The following VAV2 variants were observed in gnomAD, a reference collection of about 807,000 sequenced individuals.
VAV2 encodes the protein guanine nucleotide exchange factor VAV2.
Under a neutral mutation model 132.5 loss-of-function variants are expected in VAV2, and 67 were observed. That is an observed-to-expected ratio of 0.51 (90% CI 0.42 to 0.62). VAV2 has a LOEUF of 0.62. VAV2 is among the 20% of genes least tolerant of loss of function. The probability of loss-of-function intolerance (pLI) is 0.00; values close to 1 mark genes in which losing one functional copy is unlikely to be tolerated. For synonymous variants in VAV2, 492 were observed against 443.5 expected (o/e 1.11, Z -1.37); for missense variants, 938 against 1,153.6 (o/e 0.81, Z 2.71).
chr9:133,983,582 C>T (rs1029585888), intron 1 of VAV2, among the ~76,000 whole-genome samples: 2 of 152,176 alleles, frequency 1.3e-5, no homozygotes, highest in East Asian at 1.9e-4. Context: ...GCATTCCTCC[C>T]GGTCTCATCC....
intron 3 of VAV2, among the ~76,000 whole-genome samples, chr9:133,860,224 C>T (rs1210949359): frequency 1.3e-5 from 2 of 151,888 alleles, no homozygotes; most frequent in Non-Finnish European, 2.9e-5. Context: ...ATGGTGTGAA[C>T]CCGGGAGACG....
intron 16 of VAV2, among the ~76,000 whole-genome samples, chr9:133,786,716 T>G (rs979315337): frequency 1.3e-5 from 2 of 152,124 alleles, no homozygotes; most frequent in African/African-American, 4.8e-5. Flanking sequence ...TGCCTCCCCT[T>G]CGGCCACCCC....
At chr9:133,855,001 C>T (rs562328106) in intron 3 of VAV2, among the ~76,000 whole-genome samples, 3 of 152,126 alleles carry the variant, frequency 2.0e-5, no homozygotes, top group African/African-American at 4.8e-5. Context: ...GCCCAATTAC[C>T]TGGAATTAAG....
At chr9:133,988,810 G>C (rs1182865128) in intron 1 of VAV2, among the ~76,000 whole-genome samples, 2 of 152,216 alleles carry the variant, frequency 1.3e-5, no homozygotes, top group Admixed American at 1.3e-4. Context: ...GCTCACGCCT[G>C]TAATCCCACC....
In VAV2 at chr9:133,807,165, C is replaced by T. The variant is rs1835181276; in HGVS notation, c.735+93G>A. On this transcript the variant is annotated intron_variant, in intron 8 of 29. Transcript: ENST00000371850. ...CCACCACGGAGCCACAGGGGTGCAG[C>T]TCTCCAAGGCCCTGAGGACAGCAGG... 1.2e-5 allele frequency: 17 copies of T among 1,407,046 alleles called. 1 individual carries two copies. The highest frequency in any genetic ancestry group is 4.9e-4 in the Middle Eastern group (2 of 4,092). 87.2% of individuals were successfully genotyped at this position (1,407,046 alleles called of 1,614,324 possible). A position where few individuals can be genotyped will look rare whatever the true frequency, so the allele number is the denominator to read the frequency against.
chr9:133,779,851 C>T, intron 21 of VAV2, 67 bp downstream of exon 21: 1 of 1,583,508 alleles, frequency 6.3e-7, no homozygotes, highest in East Asian at 2.3e-5. Context: ...ACACCTAGGC[C>T]CTGGCTCAGC....
Position 133,769,457 on chromosome 9 carries a change from G to A in VAV2, c.2394C>T (p.Leu798=), listed in dbSNP as rs375135670. The change falls in exon 28 of 30, where the codon CTC becomes CTT. Residue 798 remains leucine, a synonymous_variant. Transcript: ENST00000371850. The surrounding 1 kb of genome is among the most constrained non-coding windows in gnomAD (Gnocchi z 8.1). The stretch of plus-strand genomic sequence containing the variant: ...CGGAGGGGCCCTGAGAAGCAAAGCT[G>A]AGGCCCTGAGGACTGAGAAAAGAAA... ...YNFSFLSPQG[L]SFASQGPSAP... is the part of the protein sequence containing the mutation. 6.2e-7 allele frequency: 1 copy of A among 1,613,228 alleles called. No homozygotes were observed. Among genetic ancestry groups the A allele is most frequent in the African/African-American group, 1.3e-5 (1 of 74,932 alleles).
At chr9:133,861,644 G>A (rs552916416) in intron 2 of VAV2, among the ~76,000 whole-genome samples, 33 of 152,176 alleles carry the variant, frequency 2.2e-4, no homozygotes, top group Non-Finnish European at 4.4e-4. Flanking sequence ...TATTTGCGGG[G>A]CACTGCTGCA....
At chr9:133,819,915 G>A (rs958598616) in intron 4 of VAV2, among the ~76,000 whole-genome samples, 3 of 152,132 alleles carry the variant, frequency 2.0e-5, no homozygotes, top group African/African-American at 7.2e-5. Flanking sequence ...ATTAAATTAG[G>A]AAAATAAAAT....
intron 4 of VAV2, among the ~76,000 whole-genome samples, chr9:133,819,289 C>T (rs1479100100): frequency 1.3e-5 from 2 of 148,488 alleles, no homozygotes; most frequent in African/African-American, 5.0e-5. Flanking sequence ...CTAAAAAATA[C>T]AAAAAAAAAA....
chr9:133,989,536 A>T (rs1262528153), intron 1 of VAV2, among the ~76,000 whole-genome samples: 1 of 147,838 alleles, frequency 6.8e-6, no homozygotes, highest in Admixed American at 6.8e-5. Flanking sequence ...AAAAAAAAAA[A>T]AAGCTGGGCG....
intron 7 of VAV2, among the ~76,000 whole-genome samples, chr9:133,808,417 G>A (rs1835236220): frequency 6.6e-6 from 1 of 152,250 alleles, no homozygotes; most frequent in Admixed American, 6.5e-5. Context: ...TGAAGACTCA[G>A]AAGTGCTAGG....
intron 2 of VAV2, 127 bp from the exon 3 acceptor site, chr9:133,861,559 A>T: frequency 9.9e-7 from 1 of 1,005,224 alleles, no homozygotes; most frequent in Non-Finnish European, 1.4e-6. Context: ...TGGGTAAGAA[A>T]CACGGCATAG....
chr9:133,892,806 T>C (rs1002581521), intron 2 of VAV2, among the ~76,000 whole-genome samples: 12 of 152,098 alleles, frequency 7.9e-5, no homozygotes, highest in East Asian at 1.9e-4. Context: ...TCAGAGGCCA[T>C]TGCAGACGAG....
intron 2 of VAV2, chr9:133,927,921 T>C (rs1472648204): frequency 6.6e-6 from 1 of 152,082 alleles, no homozygotes; most frequent in African/African-American, 2.4e-5. Context: ...CAAAGACCCA[T>C]AGGCTTCCTG....
Position 133,788,791 on chromosome 9 carries a change from C to T in VAV2, c.1275-305G>A, listed in dbSNP as rs1834338209. ...CAGCACTGACCCCCGACGGCTACTC[C>T]CAGTTGATCCCGCGCTGGACTGGGA... On this transcript the variant is annotated intron_variant, in intron 14 of 29. Coordinates refer to ENST00000371850, the MANE Select transcript of VAV2 (RefSeq NM_001134398.2). This position sits in a 1 kb window ranked among gnomAD's most constrained non-coding sequence, Gnocchi z 5.3. Among the ~76,000 whole-genome samples the T allele has an allele frequency of 6.6e-6, 1 of 152,182 alleles. No individual in the cohort carries two copies. Among genetic ancestry groups the T allele is most frequent in the African/African-American group, 2.4e-5 (1 of 41,452 alleles).
intron 1 of VAV2, among the ~76,000 whole-genome samples, chr9:133,945,599 G>A (rs1313511659): frequency 6.6e-6 from 1 of 152,328 alleles, no homozygotes; most frequent in Non-Finnish European, 1.5e-5. Context: ...CCCTTTGGCT[G>A]CCCCACCAGG....
At chr9:133,842,962 C>A (rs1233599978) in intron 3 of VAV2, among the ~76,000 whole-genome samples, 1 of 152,222 alleles carries the variant, frequency 6.6e-6, no homozygotes. Flanking sequence ...GTGCCGCCTT[C>A]TAATTGGCAG....
chr9:133,808,867 C>T (rs1835254258), intron 7 of VAV2, among the ~76,000 whole-genome samples, 173 bp downstream of exon 7: 1 of 152,230 alleles, frequency 6.6e-6, no homozygotes, highest in Admixed American at 6.5e-5. Context: ...AGAGGGCACC[C>T]TCCTTTTGGG....
Sources: gnomAD v4.1 joint callset for allele counts (sites outside exome capture counted in the v4.1 genomes callset) on GRCh38, gnomAD v4.1.1 for gene constraint, Gnocchi (gnomAD v3.1) non-coding constraint, MANE v1.5 for transcripts, NCBI Gene and HGNC (gene_info 2026-07-23, HGNC 2026-07-21) for gene names.